The following TTC6 variants were observed in gnomAD, a reference collection of about 807,000 sequenced individuals.
TTC6 encodes the protein tetratricopeptide repeat protein 6.
TTC6 carries 172 observed loss-of-function variants against 210.4 expected under a neutral mutation model. The ratio of observed to expected loss-of-function variants is 0.82; its 90% CI spans 0.72 to 0.93. The LOEUF is 0.93. Among genes scored for constraint, TTC6 ranks in the 40% least tolerant of loss-of-function variants. The pLI is 0.00. For missense variants in TTC6, 2,414 were observed against 2,318.1 expected (o/e 1.04, Z -0.85); for synonymous variants, 804 against 819.6 (o/e 0.98, Z 0.32).
At chr14:37,741,478 C>T (rs557369282) in intron 10 of TTC6, among the ~76,000 whole-genome samples, 1 of 151,782 alleles carries the variant, frequency 6.6e-6, no homozygotes, top group South Asian at 2.1e-4. Flanking sequence ...TTAGTAGAGA[C>T]AGGGTTTTGT....
rs572238648 is a variant in TTC6 at position 37,625,929 on chromosome 14, A to G, written c.939+2926A>G. On this transcript the variant is annotated intron_variant, in intron 1 of 30. Coordinates refer to ENST00000553443, the Ensembl canonical transcript of TTC6. ...CAGACATCTAAACCAGGATTTCTCAACATTGGCACTATTGACATTTTGGGC... is the reference window on the plus strand; with the variant it reads ...CAGACATCTAAACCAGGATTTCTCAGCATTGGCACTATTGACATTTTGGGC... Among the ~76,000 whole-genome samples the G allele has an allele frequency of 1.5e-4, 23 of 152,292 alleles. No individual in the cohort carries two copies. In the East Asian group the frequency reaches 4.0e-3, roughly 27 times the overall value.
intron 1 of TTC6, among the ~76,000 whole-genome samples, chr14:37,639,589 G>C (rs1471152291): frequency 6.6e-6 from 1 of 151,912 alleles, no homozygotes; most frequent in Non-Finnish European, 1.5e-5. Flanking sequence ...AATGGAAAGT[G>C]ACTGGGTGCG....
At chr14:37,650,711 C>CT (rs1172262454) in intron 1 of TTC6, among the ~76,000 whole-genome samples, 2 of 152,044 alleles carry the variant, frequency 1.3e-5, no homozygotes, top group Non-Finnish European at 2.9e-5. Flanking sequence ...TAACAGCTTG[C>CT]TTTTTTTTCT....
At chr14:37,771,877 G>T (rs930960320) in intron 14 of TTC6, among the ~76,000 whole-genome samples, 2 of 152,124 alleles carry the variant, frequency 1.3e-5, no homozygotes, top group African/African-American at 4.8e-5. Flanking sequence ...GAGGAGAGGC[G>T]CTCTGCTTTT....
intron 10 of TTC6, among the ~76,000 whole-genome samples, chr14:37,740,136 C>T (rs1167622228): frequency 1.4e-5 from 2 of 140,668 alleles, no homozygotes; most frequent in African/African-American, 5.2e-5. Context: ...GCACTCCAGC[C>T]TGGGCGACAG....
intron 14 of TTC6, among the ~76,000 whole-genome samples, chr14:37,786,225 T>C (rs2096067253): frequency 6.6e-6 from 1 of 152,138 alleles, no homozygotes; most frequent in East Asian, 1.9e-4. Context: ...CCCACAGAGG[T>C]GGAGTCTACA....
At chr14:37,769,745 A>G (rs2139169192) in intron 14 of TTC6, among the ~76,000 whole-genome samples, 1 of 151,732 alleles carries the variant, frequency 6.6e-6, no homozygotes, top group East Asian at 1.9e-4. Flanking sequence ...GATCCTTTCA[A>G]AAAACCAGCT....
intron 23 of TTC6, among the ~76,000 whole-genome samples, chr14:37,807,833 T>C (rs2096121935): frequency 6.6e-6 from 1 of 152,118 alleles, no homozygotes; most frequent in Non-Finnish European, 1.5e-5. Flanking sequence ...ATATATGATA[T>C]ATATTTTCCA....
chr14:37,605,926 G>A (rs2095624318), intron 1 of TTC6, among the ~76,000 whole-genome samples: 2 of 149,514 alleles, frequency 1.3e-5, no homozygotes, highest in Admixed American at 1.3e-4. Context: ...CTCAGTGCTT[G>A]CTATTTTTAT....
intron 5 of TTC6, among the ~76,000 whole-genome samples, chr14:37,703,914 A>G (rs1021151673): frequency 6.6e-6 from 1 of 152,180 alleles, no homozygotes; most frequent in African/African-American, 2.4e-5. Context: ...AGTAGGCAAA[A>G]TGATTAAAGG....
chr14:37,796,366 C>A, exon 19 of TTC6: 1 of 1,167,622 alleles, frequency 8.6e-7, no homozygotes, highest in Non-Finnish European at 1.2e-6. Context: ...CAGAAATGGA[C>A]AAAGGTAAGT....
At chr14:37,705,333 TA>T (rs1455553831) in intron 5 of TTC6, among the ~76,000 whole-genome samples, 1 of 152,134 alleles carries the variant, frequency 6.6e-6, no homozygotes, top group African/African-American at 2.4e-5. Flanking sequence ...CATTTTTGAT[TA>T]TTTTTTTACA....
At chr14:37,808,285 A>G (rs1192279023) in intron 23 of TTC6, among the ~76,000 whole-genome samples, 2 of 152,208 alleles carry the variant, frequency 1.3e-5, no homozygotes. Context: ...GATATAAGGT[A>G]TCAGAGAAGA....
At chr14:37,677,517 T>C (rs1375527184) in intron 1 of TTC6, among the ~76,000 whole-genome samples, 1 of 152,064 alleles carries the variant, frequency 6.6e-6, no homozygotes, top group Non-Finnish European at 1.5e-5. Context: ...TAATTAGTGG[T>C]TTTTATTATT....
chr14:37,835,865 A>T (rs1056877046), intron 29 of TTC6, among the ~76,000 whole-genome samples: 1 of 152,096 alleles, frequency 6.6e-6, no homozygotes, highest in African/African-American at 2.4e-5. Context: ...GCTTTATGTC[A>T]TGCAGTTGTT....
intron 21 of TTC6, among the ~76,000 whole-genome samples, chr14:37,806,028 G>C (rs539497163): frequency 6.6e-6 from 1 of 152,228 alleles, no homozygotes; most frequent in South Asian, 2.1e-4. Flanking sequence ...TGATGCATTT[G>C]CTGGATCCTA....
intron 14 of TTC6, among the ~76,000 whole-genome samples, chr14:37,780,408 C>G (rs1424844112): frequency 1.3e-5 from 2 of 152,146 alleles, no homozygotes; most frequent in African/African-American, 2.4e-5. Flanking sequence ...CCCCTCACCC[C>G]TCTTCTGACA....
chr14:37,605,660 A>G (rs938299899), intron 1 of TTC6, among the ~76,000 whole-genome samples: 1 of 152,210 alleles, frequency 6.6e-6, no homozygotes, highest in Non-Finnish European at 1.5e-5. Context: ...ATCTACCTTT[A>G]GAAAAGGAAT....
chr14:37,799,111 T>C lies in TTC6; in HGVS notation c.4029+2164T>C, dbSNP rs150029220. ...TTTAGTGAATGAGTTTGTCTAAAGATTGTAAGGATGTCTTCTTTGAAAGAT... is the reference window on the plus strand; with the variant it reads ...TTTAGTGAATGAGTTTGTCTAAAGACTGTAAGGATGTCTTCTTTGAAAGAT... On this transcript the variant is annotated intron_variant, in intron 20 of 30. Transcript: ENST00000553443. 5.6e-3 allele frequency among the ~76,000 whole-genome samples: 849 copies of C among 152,222 alleles called. 11 individuals carry two copies. Among genetic ancestry groups the C allele is most frequent in the African/African-American group, 0.019 (806 of 41,546 alleles).
Sources: allele counts gnomAD v4.1 joint callset (sites outside exome capture counted in the v4.1 genomes callset), GRCh38; gene constraint gnomAD v4.1.1; transcripts MANE v1.5; gene names NCBI Gene and HGNC (gene_info 2026-07-23, HGNC 2026-07-21).